Variants in CDHR3 observed in about 807,000 individuals in gnomAD.
The protein encoded by CDHR3 is cadherin-related family member 3.
Under a neutral mutation model 86.6 loss-of-function variants are expected in CDHR3, and 79 were observed. That is an observed-to-expected ratio of 0.91 (90% CI 0.76 to 1.10). The LOEUF (loss-of-function observed/expected upper bound fraction) is 1.10, where lower values mean the gene tolerates loss of function less well. Ranked by LOEUF, CDHR3 falls within the 50% of genes least tolerant of loss-of-function variation. CDHR3 has a pLI of 0.00. For missense variants in CDHR3, 1,081 were observed against 1,077.6 expected (o/e 1.00, Z -0.04); for synonymous variants, 421 against 402.4 (o/e 1.05, Z -0.55).
chr7:105,966,034 T>G (rs1826870161), intron 1 of CDHR3, among the ~76,000 whole-genome samples: 1 of 152,204 alleles, frequency 6.6e-6, no homozygotes, highest in Non-Finnish European at 1.5e-5. Context: ...GAAGCTATAG[T>G]GCCTATTCCA....
In CDHR3 at chr7:105,994,768, C is replaced by T; in HGVS notation, c.531C>T (p.Pro177=). The stretch of plus-strand genomic sequence containing the variant: ...TTTTTTAGTATTTCCTGATTTCTCC[C>T]CCAAAGAGCTTCAGAATGTCTGCTA... The part of the protein sequence containing the change: ...NIPLSYFLIS[P]PKSFRMSANG... Residue 177 remains proline, a synonymous_variant, in exon 5 of 19, where the codon CCC becomes CCT. Transcript: ENST00000317716. The T allele has an allele frequency of 6.2e-7, 1 of 1,611,796 alleles. No individual in the cohort carries two copies. The highest frequency in any genetic ancestry group is 1.7e-4 in the Middle Eastern group (1 of 6,060).
In CDHR3 at chr7:105,982,555, C is replaced by G. The variant is rs369797222; in HGVS notation, c.415+1422C>G. On this transcript the variant is annotated intron_variant, in intron 3 of 18. Transcript: ENST00000317716. The stretch of plus-strand genomic sequence containing the variant: ...TTACCCTCCTACCCCTCCTCCTTTC[C>G]CCTTCTCCCCCTCAGTCCCTGTGAC... Among the ~76,000 whole-genome samples, 4 of 152,166 alleles carry G rather than the reference C, an allele frequency of 2.6e-5. No homozygotes were observed. The East Asian group carries it at 5.8e-4, about 22-fold the overall frequency.
intron 1 of CDHR3, among the ~76,000 whole-genome samples, chr7:105,969,455 T>C (rs998930352): frequency 5.3e-5 from 8 of 151,440 alleles, no homozygotes; most frequent in African/African-American, 1.5e-4. Context: ...TAGGAGTTTC[T>C]GAATGGTTTG....
At chr7:105,984,370 G>T in intron 4 of CDHR3, 81 bp downstream of exon 4, 3 of 1,048,346 alleles carry the variant, frequency 2.9e-6, no homozygotes, top group Non-Finnish European at 4.2e-6. Flanking sequence ...GTCTTGGCGG[G>T]GTGAGTTTGG....
At chr7:106,031,379 G>A (rs1051374777) in intron 18 of CDHR3, among the ~76,000 whole-genome samples, 2 of 152,168 alleles carry the variant, frequency 1.3e-5, no homozygotes, top group African/African-American at 2.4e-5. Flanking sequence ...CATCACCCCC[G>A]TGAAATCAGC....
At chr7:105,982,748 TGAG>T (rs1829959971) in intron 3 of CDHR3, among the ~76,000 whole-genome samples, 1 of 152,102 alleles carries the variant, frequency 6.6e-6, no homozygotes, top group South Asian at 2.1e-4. Flanking sequence ...TTTGGGAGGC[TGAG>T]GTGGGAGTAT....
intron 6 of CDHR3, among the ~76,000 whole-genome samples, chr7:105,997,539 T>C (rs1206554745): frequency 2.0e-5 from 3 of 152,152 alleles, no homozygotes; most frequent in East Asian, 3.9e-4. Context: ...TTAACAGTTA[T>C]GACATCCCAG....
At chr7:105,984,405 G>A (rs1041490692) in intron 4 of CDHR3, 116 bp downstream of exon 4, 17 of 623,488 alleles carry the variant, frequency 2.7e-5, no homozygotes, top group African/African-American at 2.0e-4. Context: ...GGGAATGTGC[G>A]TCCACTTCCA....
At chr7:106,029,562 C>CTA (rs1838019432) in intron 17 of CDHR3, among the ~76,000 whole-genome samples, 1 of 151,940 alleles carries the variant, frequency 6.6e-6, no homozygotes, top group African/African-American at 2.4e-5. Context: ...CTCTCTCTCT[C>CTA]TCTCTCTCTC....
chr7:106,023,790 G>T (rs1452186495), intron 14 of CDHR3, among the ~76,000 whole-genome samples: 2 of 152,206 alleles, frequency 1.3e-5, no homozygotes, highest in African/African-American at 4.8e-5. Flanking sequence ...GAGCTGGTAG[G>T]CTCTCCTGAG....
intron 7 of CDHR3, among the ~76,000 whole-genome samples, chr7:106,003,133 CAA>C (rs35573554): frequency 3.8e-4 from 38 of 100,020 alleles, no homozygotes; most frequent in African/African-American, 2.8e-4. Context: ...AAACCTGTCT[CAA>C]AAAAAAAAAA....
intron 1 of CDHR3, among the ~76,000 whole-genome samples, chr7:105,972,708 G>A (rs945498947): frequency 6.6e-6 from 1 of 152,128 alleles, no homozygotes. Flanking sequence ...TTTACCATAA[G>A]AATGCTATAA....
Position 106,030,973 on chromosome 7 carries a change from T to C in CDHR3, c.2353+133T>C. The C allele has an allele frequency of 2.4e-6, 2 of 826,356 alleles. No individual in the cohort carries two copies. Among genetic ancestry groups the C allele is most frequent in the African/African-American group, 1.7e-5 (1 of 58,382 alleles). The allele number at this position is 826,356 out of a possible 1,614,324, so 51.2% of individuals were successfully genotyped here. On this transcript the variant is annotated intron_variant, in intron 18 of 18. Transcript: ENST00000317716. This position sits in a 1 kb window ranked among gnomAD's most constrained non-coding sequence, Gnocchi z 4.8. ...TTTGGCTATGTTGCCTATATAGTGC[T>C]GACTCTTCTAGGCTAAATACAACGT... is the stretch of plus-strand genomic sequence containing the variant.
At chr7:105,996,466 C>A (rs2115760023) in intron 6 of CDHR3, 112 bp downstream of exon 6, 1 of 578,344 alleles carries the variant, frequency 1.7e-6, no homozygotes, top group Admixed American at 2.8e-5. Context: ...TTGCTGTGGC[C>A]TGCAGGAAAG....
chr7:106,009,146 A>T (rs570293871), intron 8 of CDHR3, among the ~76,000 whole-genome samples: 1 of 152,304 alleles, frequency 6.6e-6, no homozygotes, highest in South Asian at 2.1e-4. Context: ...CCGTAGCTGG[A>T]CTAACTGCAT....
chr7:106,004,259 C>T (rs1006307295), intron 7 of CDHR3, among the ~76,000 whole-genome samples: 3 of 152,212 alleles, frequency 2.0e-5, no homozygotes, highest in Admixed American at 6.5e-5. Flanking sequence ...GGGCAAGGGC[C>T]GCCACCAGGG....
chr7:105,983,630 C>T (rs190529771), intron 3 of CDHR3, among the ~76,000 whole-genome samples: 2 of 152,294 alleles, frequency 1.3e-5, no homozygotes, highest in Admixed American at 1.3e-4. Flanking sequence ...CCCTCCTCCC[C>T]CATCACTGTG....
At chr7:106,009,059 C>A (rs1348732659) in intron 8 of CDHR3, among the ~76,000 whole-genome samples, 1 of 152,206 alleles carries the variant, frequency 6.6e-6, no homozygotes, top group Non-Finnish European at 1.5e-5. Context: ...ATATCCTAGA[C>A]TGTCCAGGCA....
At chr7:105,989,399 A>G (rs896973724) in intron 4 of CDHR3, among the ~76,000 whole-genome samples, 2 of 151,906 alleles carry the variant, frequency 1.3e-5, no homozygotes, top group African/African-American at 2.4e-5. Context: ...GATCTAGTAC[A>G]GCAATTTCTC....
Sources: allele counts gnomAD v4.1 joint callset (sites outside exome capture counted in the v4.1 genomes callset), GRCh38; gene constraint gnomAD v4.1.1; non-coding constraint Gnocchi (gnomAD v3.1); transcripts MANE v1.5; gene names NCBI Gene and HGNC (gene_info 2026-07-23, HGNC 2026-07-21).